Variants in OTOGL observed in about 807,000 individuals in gnomAD.
OTOGL encodes otogelin-like protein.
A neutral mutation model predicts 318.5 loss-of-function variants in OTOGL; 285 were observed. The observed-to-expected ratio is 0.89, with a 90% CI of 0.81 to 0.99. The LOEUF (loss-of-function observed/expected upper bound fraction) is 0.99, where lower values mean the gene tolerates loss of function less well. Ranked by LOEUF, OTOGL falls within the 50% of genes least tolerant of loss-of-function variation. The pLI is 0.00. For missense variants in OTOGL, 2,899 were observed against 2,845.6 expected, an observed-to-expected ratio of 1.02 and a Z score of -0.43; for synonymous variants, 987 against 936.5, an observed-to-expected ratio of 1.05 and a Z score of -0.99.
intron 43 of OTOGL, among the ~76,000 whole-genome samples, chr12:80,339,694 A>T (rs370756671): frequency 7.2e-5 from 11 of 152,038 alleles, no homozygotes; most frequent in Admixed American, 5.9e-4. Context: ...GTTTCCTCTT[A>T]ATTTTTTTAA....
At chr12:80,335,909 A>G (rs1431120480) in intron 38 of OTOGL, 54 bp from the exon 39 acceptor site, 13 of 1,415,874 alleles carry the variant, frequency 9.2e-6, no homozygotes, top group Non-Finnish European at 1.2e-5. Context: ...TTAAAAATCA[A>G]TTAAAAACAT....
At chr12:80,258,834 G>T (rs143472785) in intron 18 of OTOGL, among the ~76,000 whole-genome samples, 1 of 152,056 alleles carries the variant, frequency 6.6e-6, no homozygotes, top group African/African-American at 2.4e-5. Context: ...GTGGGAAGAT[G>T]TTGGTCAAAG....
intron 44 of OTOGL, among the ~76,000 whole-genome samples, chr12:80,348,194 C>T (rs1185345075): frequency 6.6e-6 from 1 of 152,082 alleles, no homozygotes; most frequent in Non-Finnish European, 1.5e-5. Context: ...GAAGTCTTTG[C>T]CCATGACTGT....
chr12:80,340,031 A>G (rs1888664183), intron 43 of OTOGL, among the ~76,000 whole-genome samples: 3 of 152,188 alleles, frequency 2.0e-5, no homozygotes, highest in Admixed American at 2.0e-4. Flanking sequence ...ATCCATTTTC[A>G]AGATTGTTTG....
chr12:80,341,878 T>C, intron 43 of OTOGL, 70 bp from the exon 44 acceptor site: 2 of 1,000,332 alleles, frequency 2.0e-6, no homozygotes, highest in South Asian at 3.3e-5. Flanking sequence ...ATCAATTATT[T>C]AACTGATTTA....
rs1434467459 is a variant in OTOGL, at chr12:80,368,236, A to G, written c.6542A>G (p.Tyr2181Cys). Reference protein sequence around the residue: ...HQVYTPSPSDYGCCGTCKNVS... With the variant: ...HQVYTPSPSDCGCCGTCKNVS... ...GTATATACTCCATCCCCAAGTGATT[A>G]TGGTTGTTGTGGTACCTGCAAAAAT... The change falls in exon 55 of 59, where the codon TAT becomes TGT. Residue 2181 changes from tyrosine to cysteine, a missense_variant. Transcript: ENST00000547103. 2 of 1,603,826 alleles carry G rather than the reference A, an allele frequency of 1.2e-6. No homozygotes were observed. The highest frequency in any genetic ancestry group is 2.7e-5 in the African/African-American group (2 of 74,782).
At chr12:80,361,854 G>C (rs1216884319) in intron 52 of OTOGL, among the ~76,000 whole-genome samples, 1 of 151,950 alleles carries the variant, frequency 6.6e-6, no homozygotes, top group East Asian at 1.9e-4. Context: ...TGAGTTGTTT[G>C]AGTTCTTTAC....
intron 5 of OTOGL, among the ~76,000 whole-genome samples, 179 bp downstream of exon 5, chr12:80,217,843 A>G (rs1323818958): frequency 6.6e-6 from 1 of 152,244 alleles, no homozygotes. Flanking sequence ...GTTTCTGAGA[A>G]TAACCAGGGC....
chr12:80,290,352 C>T lies in OTOGL; in HGVS notation c.2929-6475C>T, dbSNP rs188181220. Reference sequence around the variant, plus strand: ...TTCCTATTCGGCCATCTTGCCAAGTCCCCCAGGTTCTGCCTTTTCAATAAG... The same window carrying T: ...TTCCTATTCGGCCATCTTGCCAAGTTCCCCAGGTTCTGCCTTTTCAATAAG... On this transcript the variant is annotated intron_variant, in intron 26 of 58. Transcript: ENST00000547103. Among the ~76,000 whole-genome samples, 106 of 152,030 alleles carry T rather than the reference C, an allele frequency of 7.0e-4. 1 individual carries two copies. The highest frequency in any genetic ancestry group is 2.4e-3 in the African/African-American group (99 of 41,478).
rs1160802368 is a variant in OTOGL, at chr12:80,255,124, T to C, written c.1526T>C (p.Leu509Pro). 2 of 1,528,774 alleles carry C rather than the reference T, an allele frequency of 1.3e-6. No individual in the cohort carries two copies. The highest frequency in any genetic ancestry group is 4.5e-5 in the Admixed American group (2 of 44,778). The allele number at this position is 1,528,774 out of a possible 1,614,324, so 94.7% of individuals were successfully genotyped here. A position where few individuals can be genotyped will look rare whatever the true frequency, so the allele number is the denominator to read the frequency against. ...YSFIGMCQYILVKGTGKDKFT... is the reference protein window; with the variant it reads ...YSFIGMCQYIPVKGTGKDKFT... ...TTTATTGGCATGTGCCAATACATCCTCGTGAAAGGAACTGGAAAAGATAAA... is the reference window on the plus strand; with the variant it reads ...TTTATTGGCATGTGCCAATACATCCCCGTGAAAGGAACTGGAAAAGATAAA... Residue 509 changes from leucine (L) to proline (P), a missense_variant, in exon 16 of 59, where the codon CTC (leucine) becomes CCC (proline). By Grantham distance (98) the Leu-to-Pro change is moderately conservative. This residue lies in a region of OTOGL where 2,607 missense variants were observed against 2,524.9 expected (regional missense o/e 1.03). Coordinates refer to ENST00000547103, the MANE Select transcript of OTOGL (RefSeq NM_001378609.3).
At chr12:80,377,051 A>T in intron 57 of OTOGL, 72 bp from the exon 58 acceptor site, 4 of 973,006 alleles carry the variant, frequency 4.1e-6, no homozygotes, top group Non-Finnish European at 4.5e-6. Flanking sequence ...CTGTAAATAT[A>T]TTCATATATT....
intron 1 of OTOGL, among the ~76,000 whole-genome samples, chr12:80,178,057 CTTTCTTTTTT>C (rs1205560071): frequency 0.014 from 1,799 of 125,160 alleles, 8 homozygotes; most frequent in Non-Finnish European, 0.021. Context: ...TTCTTTCTTT[CTTTCTTTTTT>C]TTTTTTTTTT....
chr12:80,109,676 G>T (rs1218159621), intron 1 of OTOGL, among the ~76,000 whole-genome samples: 1 of 152,190 alleles, frequency 6.6e-6, no homozygotes, highest in African/African-American at 2.4e-5. Flanking sequence ...AGTAACACCT[G>T]ATTGGCCAGA....
intron 1 of OTOGL, among the ~76,000 whole-genome samples, chr12:80,158,279 C>A (rs1339896008): frequency 6.6e-6 from 1 of 152,004 alleles, no homozygotes; most frequent in Non-Finnish European, 1.5e-5. Context: ...TTATAAGTTT[C>A]TTTGCAGAAA....
At chr12:80,238,465 C>A (rs954163391) in intron 9 of OTOGL, among the ~76,000 whole-genome samples, 1 of 152,056 alleles carries the variant, frequency 6.6e-6, no homozygotes, top group Non-Finnish European at 1.5e-5. Flanking sequence ...AGAGAGCTGC[C>A]TGATAATTTT....
chr12:80,343,526 T>TTTTTTTTTTTTTTTTTTTTTC (rs1555301044), intron 44 of OTOGL: 3 of 118,156 alleles, frequency 2.5e-5, no homozygotes, highest in East Asian at 2.2e-4. Flanking sequence ...TTTTTTTTTT[T>TTTTTTTTTTTTTTTTTTTTTC]TTTTTTTTTT....
chr12:80,184,836 G>A (rs1437663691), intron 1 of OTOGL, among the ~76,000 whole-genome samples: 3 of 152,088 alleles, frequency 2.0e-5, no homozygotes, highest in African/African-American at 7.2e-5. Flanking sequence ...AATAAACGTG[G>A]CTCCTTGGCT....
intron 52 of OTOGL, among the ~76,000 whole-genome samples, chr12:80,365,328 A>G (rs1212591476): frequency 1.3e-5 from 2 of 152,090 alleles, no homozygotes; most frequent in Non-Finnish European, 2.9e-5. Context: ...TTTCAGGTAA[A>G]TATTTAGAAT....
In OTOGL at chr12:80,336,467, C is replaced by T; in HGVS notation, c.4655C>T (p.Ala1552Val). The T allele has an allele frequency of 6.2e-7, 1 of 1,608,942 alleles. No homozygotes were observed. The highest frequency in any genetic ancestry group is 8.5e-7 in the Non-Finnish European group (1 of 1,176,386). ...LSIITFDGNN[A>V]ALYSMASYIL... ...ATTATTACATTTGATGGAAACAACG[C>T]AGCATTATATAGCATGGCTTCTTAT... The change falls in exon 40 of 59, where the codon GCA becomes GTA. Residue 1552 changes from alanine to valine, a missense_variant. Around this residue, in one of 3 missense-constraint regions of OTOGL, gnomAD observed 2,607 missense variants for 2,524.9 expected, o/e 1.03. Transcript: ENST00000547103.
Sources: gnomAD v4.1 joint callset for allele counts (sites outside exome capture counted in the v4.1 genomes callset) on GRCh38, gnomAD v4.1.1 for gene constraint, gnomAD v4.1.1 regional missense constraint, MANE v1.5 for transcripts, NCBI Gene and HGNC (gene_info 2026-07-23, HGNC 2026-07-21) for gene names.